The following ADCY3 variants were observed in gnomAD, a reference collection of about 807,000 sequenced individuals.
ADCY3 encodes the protein adenylate cyclase 3.
In ADCY3, 70 loss-of-function variants were observed where a neutral mutation model predicts 119.4. The ratio of observed to expected loss-of-function variants is 0.59; its 90% CI spans 0.48 to 0.72. The LOEUF (loss-of-function observed/expected upper bound fraction) is 0.72, where lower values mean the gene tolerates loss of function less well. Among genes scored for constraint, ADCY3 ranks in the 30% least tolerant of loss-of-function variants. The pLI, the probability that ADCY3 is intolerant of heterozygous loss-of-function variation, is 0.00. For synonymous variants in ADCY3, 672 were observed against 621.4 expected (o/e 1.08, Z -1.21); for missense variants, 1,238 against 1,541.6 (o/e 0.80, Z 3.30).
intron 3 of ADCY3, among the ~76,000 whole-genome samples, chr2:24,859,397 A>G (rs1673376338): frequency 6.6e-6 from 1 of 152,170 alleles, no homozygotes; most frequent in Admixed American, 6.5e-5. Context: ...CCAGGATAAC[A>G]GTGGCATGGT....
intron 3 of ADCY3, among the ~76,000 whole-genome samples, chr2:24,853,933 A>G (rs148856587): frequency 6.6e-6 from 1 of 152,268 alleles, no homozygotes; most frequent in Non-Finnish European, 1.5e-5. Flanking sequence ...AGGATATACA[A>G]TAATCAGTAC....
At chr2:24,911,368 T>C (rs1663618174) in intron 2 of ADCY3, among the ~76,000 whole-genome samples, 1 of 151,270 alleles carries the variant, frequency 6.6e-6, no homozygotes, top group African/African-American at 2.4e-5. Context: ...ACCATCAGCC[T>C]GGGCGCTGTG....
chr2:24,822,437 C>G (rs1667917771), intron 19 of ADCY3, 74 bp downstream of exon 19: 3 of 1,580,516 alleles, frequency 1.9e-6, no homozygotes, highest in Non-Finnish European at 1.7e-6. Context: ...TTATTTCCCC[C>G]ATGCTAGGTC....
intron 2 of ADCY3, among the ~76,000 whole-genome samples, chr2:24,907,913 G>C (rs887212084): frequency 2.0e-5 from 3 of 152,106 alleles, no homozygotes; most frequent in Admixed American, 6.6e-5. Flanking sequence ...AGAATCACTT[G>C]AGCCTAGGAG....
At chr2:24,868,464 A>G (rs546572018) in intron 3 of ADCY3, among the ~76,000 whole-genome samples, 1 of 151,438 alleles carries the variant, frequency 6.6e-6, no homozygotes, top group South Asian at 2.1e-4. Context: ...AGCCTGACCA[A>G]CGTGGTGAAA....
rs1375969524 is a variant in ADCY3, at chr2:24,872,087, T to C, written c.825+483A>G. On this transcript the variant is annotated intron_variant, in intron 3 of 21. Coordinates refer to ENST00000679454, the MANE Select transcript of ADCY3 (RefSeq NM_004036.5). This position sits in a 1 kb window ranked among gnomAD's most constrained non-coding sequence, Gnocchi z 4.4. ...CCAGCAGGGCCCTGAGGCCGCAGGA[T>C]GGGTCAAGGCCCCACCCACGGCATG... is the stretch of plus-strand genomic sequence containing the variant. Among the ~76,000 whole-genome samples the C allele has an allele frequency of 1.3e-5, 2 of 152,162 alleles. No individual in the cohort carries two copies. Among genetic ancestry groups the C allele is most frequent in the Admixed American group, 6.5e-5 (1 of 15,272 alleles).
At position 24,919,838 on chromosome 2, in the gene ADCY3, C is replaced by T. The variant is rs1404062121; in HGVS notation, c.-353G>A. The T allele has an allele frequency of 6.6e-6, 1 of 151,054 alleles. No individual in the cohort carries two copies. The highest frequency in any genetic ancestry group is 2.4e-5 in the African/African-American group (1 of 41,306). The allele number at this position is 151,054 out of a possible 1,614,324, so 9.4% of individuals were successfully genotyped here. The stretch of plus-strand genomic sequence containing the variant: ...GAGCGCGATCTCCCGCCGTCAGGCC[C>T]GGGATCCGACCGGGAGAGGCGCAGG... On this transcript the variant is annotated 5_prime_UTR_variant, in exon 1 of 22. Coordinates refer to ENST00000679454, the MANE Select transcript of ADCY3 (RefSeq NM_004036.5). This position sits in a 1 kb window ranked among gnomAD's most constrained non-coding sequence, Gnocchi z 5.5.
At chr2:24,864,564 C>T (rs140422612) in intron 3 of ADCY3, among the ~76,000 whole-genome samples, 139 of 152,238 alleles carry the variant, frequency 9.1e-4, no homozygotes, top group Non-Finnish European at 1.2e-3. Flanking sequence ...CTGATCTGCC[C>T]GACGACACAG....
At chr2:24,859,844 C>T (rs187483348) in intron 3 of ADCY3, among the ~76,000 whole-genome samples, 5 of 152,294 alleles carry the variant, frequency 3.3e-5, no homozygotes, top group South Asian at 2.1e-4. Context: ...ACCCACCCAG[C>T]GTCCACCTCA....
intron 2 of ADCY3, among the ~76,000 whole-genome samples, chr2:24,909,446 C>T (rs1366986620): frequency 6.6e-6 from 1 of 152,150 alleles, no homozygotes; most frequent in Non-Finnish European, 1.5e-5. Flanking sequence ...ATCCTGTCAC[C>T]TAGGGCAGTG....
rs1477701109 is a variant in ADCY3 at position 24,878,693 on chromosome 2, G to A, written c.676-5974C>T. Reference sequence around the variant, plus strand: ...AGGCAACCAGCCTTCTCCCACCCAAGGAGGCCCAGCCAGAGCCTGTGAGGC... The same window carrying A: ...AGGCAACCAGCCTTCTCCCACCCAAAGAGGCCCAGCCAGAGCCTGTGAGGC... On this transcript the variant is annotated intron_variant, in intron 2 of 21. Coordinates refer to ENST00000679454, the MANE Select transcript of ADCY3 (RefSeq NM_004036.5). The surrounding 1 kb of genome is among the most constrained non-coding windows in gnomAD (Gnocchi z 4.0). Among the ~76,000 whole-genome samples, 1 of 152,224 alleles carries A rather than the reference G, an allele frequency of 6.6e-6. No individual in the cohort carries two copies. Among genetic ancestry groups the A allele is most frequent in the Non-Finnish European group, 1.5e-5 (1 of 68,036 alleles).
chr2:24,913,552 C>T (rs1249642054), intron 2 of ADCY3, among the ~76,000 whole-genome samples: 1 of 152,176 alleles, frequency 6.6e-6, no homozygotes, highest in African/African-American at 2.4e-5. Context: ...GCCCCACTAC[C>T]TCCTCTCAAC....
Position 24,834,567 on chromosome 2 carries a change from CCTT to C in ADCY3, c.1882_1884del (p.Lys628del). 6.2e-7 allele frequency: 1 copy of C among 1,614,122 alleles called. No homozygotes were observed. The highest frequency in any genetic ancestry group is 8.5e-7 in the Non-Finnish European group (1 of 1,180,042). On this transcript the variant is annotated inframe_deletion, in exon 11 of 22. Transcript: ENST00000679454. This position sits in a 1 kb window ranked among gnomAD's most constrained non-coding sequence, Gnocchi z 4.2. ...CTGAAGGCAGCCCCACTCTGCTTCT[CCTT>C]CTCCACCGAGTAGCGGGTTTCCATC...
At chr2:24,830,079 C>T (rs970830682) in intron 13 of ADCY3, among the ~76,000 whole-genome samples, 12 of 146,864 alleles carry the variant, frequency 8.2e-5, no homozygotes, top group African/African-American at 2.5e-4. Context: ...GTCTTGCTGT[C>T]GCCTAGGCTG....
In ADCY3 at chr2:24,834,557, C is replaced by A; in HGVS notation, c.1895G>T (p.Ser632Ile). The A allele has an allele frequency of 6.2e-7, 1 of 1,613,994 alleles. No homozygotes were observed. The highest frequency in any genetic ancestry group is 8.5e-7 in the Non-Finnish European group (1 of 1,180,024). Residue 632 changes from serine to isoleucine, a missense_variant, in exon 11 of 22, where the codon AGT becomes ATT. Ser to Ile is a moderately radical substitution (Grantham distance 142, BLOSUM62 -2). This residue lies in a region of ADCY3 where 499 missense variants were observed against 571.0 expected (regional missense o/e 0.87). Coordinates refer to ENST00000679454, the MANE Select transcript of ADCY3 (RefSeq NM_004036.5). The surrounding 1 kb of genome is among the most constrained non-coding windows in gnomAD (Gnocchi z 4.2). ...TRYSVEKEKQSGAAFSCSCVV... is the reference protein window; with the variant it reads ...TRYSVEKEKQIGAAFSCSCVV... ...GCAGGAGCAGCTGAAGGCAGCCCCA[C>A]TCTGCTTCTCCTTCTCCACCGAGTA...
rs1312809414 is a variant in ADCY3 at position 24,898,034 on chromosome 2, C to T, written c.675+20279G>A. On this transcript the variant is annotated intron_variant, in intron 2 of 21. Coordinates refer to ENST00000679454, the MANE Select transcript of ADCY3 (RefSeq NM_004036.5). The surrounding 1 kb of genome is among the most constrained non-coding windows in gnomAD (Gnocchi z 4.3). ...CTGTCTCATATGGCTTTTACTCCTC[C>T]CCATTTCAGATCCCAAATAACCTTC... Among the ~76,000 whole-genome samples the T allele has an allele frequency of 1.3e-5, 2 of 152,108 alleles. No individual in the cohort carries two copies. Among genetic ancestry groups the T allele is most frequent in the Non-Finnish European group, 2.9e-5 (2 of 68,026 alleles).
At chr2:24,853,211 G>A (rs921565304) in intron 3 of ADCY3, among the ~76,000 whole-genome samples, 3 of 152,090 alleles carry the variant, frequency 2.0e-5, no homozygotes, top group Non-Finnish European at 2.9e-5. Context: ...AAGCCAGTGC[G>A]ATGTGTTTTG....
chr2:24,821,522 C>T lies in ADCY3; in HGVS notation c.3122G>A (p.Arg1041His), dbSNP rs750100320. The T allele has an allele frequency of 8.1e-6, 13 of 1,613,868 alleles. No individual in the cohort carries two copies. In the Admixed American group the frequency reaches 1.3e-4, roughly 17 times the overall value. Residue 1041 changes from arginine to histidine, a missense_variant, in exon 20 of 22, where the codon CGC becomes CAC. Transcript: ENST00000679454. Reference protein sequence around the residue: ...NNQSFNNFMLRIGMNKGGVLA... With the variant: ...NNQSFNNFMLHIGMNKGGVLA... The stretch of plus-strand genomic sequence containing the variant: ...GGCCAGCTGGGGGTGCTCACCTATG[C>T]GCAGCATGAAGTTATTGAAGGACTG...
At chr2:24,906,082 G>A (rs1327709148) in intron 2 of ADCY3, among the ~76,000 whole-genome samples, 8 of 152,104 alleles carry the variant, frequency 5.3e-5, no homozygotes, top group South Asian at 4.2e-4. Context: ...TGAGGCGGGC[G>A]GATCACCTGA....
Sources: allele counts gnomAD v4.1 joint callset (sites outside exome capture counted in the v4.1 genomes callset), GRCh38; gene constraint gnomAD v4.1.1; regional missense constraint gnomAD v4.1.1; non-coding constraint Gnocchi (gnomAD v3.1); transcripts MANE v1.5; gene names NCBI Gene and HGNC (gene_info 2026-07-23, HGNC 2026-07-21).